RABGAP1L: variants seen among roughly 807,000 people sequenced by gnomAD.
RABGAP1L encodes the protein RAB GTPase activating protein 1 like.
Under a neutral mutation model 137.7 loss-of-function variants are expected in RABGAP1L, and 63 were observed. The ratio of observed to expected loss-of-function variants is 0.46; its 90% CI spans 0.37 to 0.56. RABGAP1L has a LOEUF of 0.56. Among genes scored for constraint, RABGAP1L ranks in the 20% least tolerant of loss-of-function variants. The pLI is 0.00. For synonymous variants in RABGAP1L, 431 were observed against 433.7 expected (o/e 0.99, Z 0.08); for missense variants, 1,095 against 1,244.0 (o/e 0.88, Z 1.80).
chr1:174,432,543 C>CT (rs1652762292), intron 13 of RABGAP1L, among the ~76,000 whole-genome samples: 1 of 151,966 alleles, frequency 6.6e-6, no homozygotes, highest in Non-Finnish European at 1.5e-5. Context: ...TCTTTTCTTT[C>CT]TTTTTTTCTT....
At position 174,812,824 on chromosome 1, in the gene RABGAP1L, A is replaced by G. The variant is rs568940298; in HGVS notation, c.2340+864A>G. The stretch of plus-strand genomic sequence containing the variant: ...TTATTAGATAGTCAATGTGGACCTC[A>G]CTGAGTCAATGAAGGAGATGAGAGA... On this transcript the variant is annotated intron_variant, in intron 19 of 25. Transcript: ENST00000681986. Among the ~76,000 whole-genome samples the G allele has an allele frequency of 1.1e-4, 17 of 152,324 alleles. No individual in the cohort carries two copies. The East Asian group carries it at 3.3e-3, about 29-fold the overall frequency.
chr1:174,414,622 G>A (rs961859343), intron 13 of RABGAP1L, among the ~76,000 whole-genome samples: 2 of 151,898 alleles, frequency 1.3e-5, no homozygotes, highest in African/African-American at 2.4e-5. Context: ...TTTTTTAAAG[G>A]AGAAGTGAAT....
At chr1:174,900,388 C>T (rs149682762) in intron 19 of RABGAP1L, among the ~76,000 whole-genome samples, 2,224 of 152,268 alleles carry the variant, frequency 0.015, 25 homozygotes, top group Non-Finnish European at 0.023. Context: ...AGAATGAAGT[C>T]ACAGAGTCAT....
Position 174,759,357 on chromosome 1 carries a change from G to T in RABGAP1L, c.2211+7003G>T, listed in dbSNP as rs1285180125. Among the ~76,000 whole-genome samples, 3 of 151,404 alleles carry T rather than the reference G, an allele frequency of 2.0e-5. No homozygotes were observed. In the East Asian group the frequency reaches 5.8e-4, roughly 29 times the overall value. On this transcript the variant is annotated intron_variant, in intron 18 of 25. Transcript: ENST00000681986. ...TGCCTGTAATCCCAGCACTTTGGGA[G>T]GCCAAGGTGGGCGGATCACTGGAGG... is the stretch of plus-strand genomic sequence containing the variant.
Position 174,818,608 on chromosome 1 carries a change from G to A in RABGAP1L, c.2340+6648G>A, listed in dbSNP as rs538506818. Among the ~76,000 whole-genome samples the A allele has an allele frequency of 2.6e-5, 4 of 152,290 alleles. No individual in the cohort carries two copies. The South Asian group carries it at 8.3e-4, about 32-fold the overall frequency. ...GCCGGTAATTGGACTGAGCATGGTG[G>A]CTCACACCTGTAATCCCAACACTTT... On this transcript the variant is annotated intron_variant, in intron 19 of 25. Transcript: ENST00000681986.
At chr1:174,835,916 C>G (rs1256156292) in intron 19 of RABGAP1L, among the ~76,000 whole-genome samples, 4 of 152,142 alleles carry the variant, frequency 2.6e-5, no homozygotes, top group Non-Finnish European at 5.9e-5. Flanking sequence ...TATTGGCACC[C>G]AAAGTGACCT....
At chr1:174,640,060 G>A (rs890372488) in intron 14 of RABGAP1L, among the ~76,000 whole-genome samples, 1 of 152,052 alleles carries the variant, frequency 6.6e-6, no homozygotes, top group African/African-American at 2.4e-5. Context: ...ATTAGACATA[G>A]TATTAAATAA....
At position 174,304,969 on chromosome 1, in the gene RABGAP1L, T is replaced by C. The variant is rs985753949; in HGVS notation, c.1324-17T>C. ...TCAGATTTCTAATACTTAAATATAC[T>C]GTTATATTTTTCTCAGTCTGAGGGA... is the stretch of plus-strand genomic sequence containing the variant. On this transcript the variant is annotated splice_polypyrimidine_tract_variant and intron_variant, in intron 10 of 25. Coordinates refer to ENST00000681986, the MANE Select transcript of RABGAP1L (RefSeq NM_001366446.1). 9 of 1,512,930 alleles carry C rather than the reference T, an allele frequency of 5.9e-6. No homozygotes were observed. Among genetic ancestry groups the C allele is most frequent in the Middle Eastern group, 1.7e-4 (1 of 5,842 alleles). The allele number at this position is 1,512,930 out of a possible 1,614,324, so 93.7% of individuals were successfully genotyped here.
chr1:174,643,268 A>G (rs1264840424), intron 14 of RABGAP1L, among the ~76,000 whole-genome samples: 1 of 152,152 alleles, frequency 6.6e-6, no homozygotes, highest in African/African-American at 2.4e-5. Flanking sequence ...CTTTTGAGGA[A>G]TCAGGAAGCA....
intron 19 of RABGAP1L, among the ~76,000 whole-genome samples, chr1:174,899,688 G>T (rs1035247730): frequency 2.6e-5 from 4 of 151,992 alleles, no homozygotes; most frequent in African/African-American, 9.7e-5. Flanking sequence ...CTCATGAGGC[G>T]TATTTTAGTC....
chr1:174,176,046 A>G (rs1474764404), intron 1 of RABGAP1L, among the ~76,000 whole-genome samples: 2 of 152,138 alleles, frequency 1.3e-5, no homozygotes, highest in Non-Finnish European at 2.9e-5. Flanking sequence ...AAATTCTCAT[A>G]TTTGTCACTG....
At chr1:174,879,740 A>C (rs970478881) in intron 19 of RABGAP1L, among the ~76,000 whole-genome samples, 1 of 152,194 alleles carries the variant, frequency 6.6e-6, no homozygotes, top group African/African-American at 2.4e-5. Flanking sequence ...GACAAAAAAA[A>C]GCAAAAAGAT....
At chr1:174,450,731 C>A (rs1655341445) in intron 13 of RABGAP1L, among the ~76,000 whole-genome samples, 1 of 152,132 alleles carries the variant, frequency 6.6e-6, no homozygotes, top group South Asian at 2.1e-4. Flanking sequence ...AGCAGTAAAA[C>A]ATCTAAGTAT....
At chr1:174,550,033 C>A (rs897771301) in intron 13 of RABGAP1L, among the ~76,000 whole-genome samples, 1 of 152,074 alleles carries the variant, frequency 6.6e-6, no homozygotes, top group African/African-American at 2.4e-5. Flanking sequence ...CATAGTGAAA[C>A]CCCATCTCTA....
At position 174,440,636 on chromosome 1, in the gene RABGAP1L, C is replaced by T. The variant is rs575723168; in HGVS notation, c.1710+46491C>T. 3.9e-5 allele frequency among the ~76,000 whole-genome samples: 6 copies of T among 152,194 alleles called. No individual in the cohort carries two copies. In the South Asian group the frequency reaches 6.2e-4, roughly 16 times the overall value. On this transcript the variant is annotated intron_variant, in intron 13 of 25. Coordinates refer to ENST00000681986, the MANE Select transcript of RABGAP1L (RefSeq NM_001366446.1). ...TTGCTCAGGCTGGAGTGCACGGTGG[C>T]GTGATCTCTGCTCACTGTAAGCAAT...
rs952794287 is a variant in RABGAP1L at position 174,995,037 on chromosome 1, T to C, written c.*5036T>C. 6.6e-6 allele frequency: 1 copy of C among 150,500 alleles called. No homozygotes were observed. The highest frequency in any genetic ancestry group is 1.5e-5 in the Non-Finnish European group (1 of 66,962). The allele number at this position is 150,500 out of a possible 1,614,324, so 9.3% of individuals were successfully genotyped here. The stretch of plus-strand genomic sequence containing the variant: ...GACGTTTCCGTAATTCCATGTATTA[T>C]GTATAGTACACTCTATAAATGTAAA... On this transcript the variant is annotated 3_prime_UTR_variant, in exon 26 of 26. Transcript: ENST00000681986.
chr1:174,943,649 C>G (rs1441116632), intron 19 of RABGAP1L, among the ~76,000 whole-genome samples: 1 of 152,020 alleles, frequency 6.6e-6, no homozygotes, highest in African/African-American at 2.4e-5. Flanking sequence ...GCCTGGCCAA[C>G]ATGGTGAAAC....
chr1:174,502,336 C>A (rs997964991), intron 13 of RABGAP1L, among the ~76,000 whole-genome samples: 1 of 151,414 alleles, frequency 6.6e-6, no homozygotes. Flanking sequence ...CTGGCCAGGT[C>A]ACTACTCCAC....
At chr1:174,534,562 A>G (rs1272462140) in intron 13 of RABGAP1L, among the ~76,000 whole-genome samples, 1 of 151,914 alleles carries the variant, frequency 6.6e-6, no homozygotes, top group Non-Finnish European at 1.5e-5. Context: ...GGATCACTGG[A>G]GGTTAGGAGT....
Sources: allele counts gnomAD v4.1 joint callset (sites outside exome capture counted in the v4.1 genomes callset), GRCh38; gene constraint gnomAD v4.1.1; transcripts MANE v1.5; gene names NCBI Gene and HGNC (gene_info 2026-07-23, HGNC 2026-07-21).